ERO1B: variants seen among roughly 807,000 people sequenced by gnomAD.
ERO1B encodes the protein endoplasmic reticulum oxidoreductase 1 beta.
Under a neutral mutation model 75.3 loss-of-function variants are expected in ERO1B, and 49 were observed. The ratio of observed to expected loss-of-function variants is 0.65; its 90% CI spans 0.52 to 0.83. ERO1B has a LOEUF of 0.83. Ranked by LOEUF, ERO1B falls within the 40% of genes least tolerant of loss-of-function variation. ERO1B has a pLI of 0.00. For missense variants in ERO1B, 512 were observed against 560.1 expected (o/e 0.91, Z 0.87); for synonymous variants, 191 against 192.9 (o/e 0.99, Z 0.08).
chr1:236,268,693 T>G (rs879849983), intron 2 of ERO1B, among the ~76,000 whole-genome samples: 7 of 151,458 alleles, frequency 4.6e-5, no homozygotes, highest in Non-Finnish European at 1.0e-4. Flanking sequence ...AAGACCATCC[T>G]GGCTAACATG....
intron 1 of ERO1B, among the ~76,000 whole-genome samples, chr1:236,274,760 A>T (rs919253486): frequency 6.6e-6 from 1 of 151,990 alleles, no homozygotes; most frequent in Non-Finnish European, 1.5e-5. Flanking sequence ...AAAAAGACAG[A>T]CAAAAATCTC....
intron 2 of ERO1B, among the ~76,000 whole-genome samples, chr1:236,255,380 T>C (rs1360896310): frequency 6.6e-6 from 1 of 152,160 alleles, no homozygotes; most frequent in Non-Finnish European, 1.5e-5. Flanking sequence ...GCTAAAGTAG[T>C]GCTCAGTATG....
At position 236,217,800 on chromosome 1, in the gene ERO1B, A is replaced by C. The variant is rs1664032603; in HGVS notation, c.*716T>G. 1 of 152,204 alleles carries C rather than the reference A, an allele frequency of 6.6e-6. No homozygotes were observed. Among genetic ancestry groups the C allele is most frequent in the African/African-American group, 2.4e-5 (1 of 41,464 alleles). The allele number at this position is 152,204 out of a possible 1,614,324, so 9.4% of individuals were successfully genotyped here. Reference sequence around the variant, plus strand: ...ACACTCTTGGGCCAGCCCATTACACACACAAAATCTGGCTGGGTAGCATAG... The same window carrying C: ...ACACTCTTGGGCCAGCCCATTACACCCACAAAATCTGGCTGGGTAGCATAG... On this transcript the variant is annotated 3_prime_UTR_variant, in exon 16 of 16. Transcript: ENST00000354619.
chr1:236,218,961 T>A (rs900956592), intron 15 of ERO1B, among the ~76,000 whole-genome samples: 15 of 115,376 alleles, frequency 1.3e-4, no homozygotes, highest in African/African-American at 4.2e-4. Context: ...GGGTAAAGAC[T>A]CTATTTCATC....
At chr1:236,228,023 CATCAG>C (rs1411554305) in intron 10 of ERO1B, among the ~76,000 whole-genome samples, 1 of 152,160 alleles carries the variant, frequency 6.6e-6, no homozygotes, top group African/African-American at 2.4e-5. Flanking sequence ...TAAAACTTTT[CATCAG>C]ATCTATTATC....
At chr1:236,239,037 C>T (rs934696407) in intron 6 of ERO1B, among the ~76,000 whole-genome samples, 1 of 152,178 alleles carries the variant, frequency 6.6e-6, no homozygotes, top group African/African-American at 2.4e-5. Flanking sequence ...CCTCCTGCCT[C>T]AGCCTCCCAA....
chr1:236,269,734 T>C (rs1665547668), intron 2 of ERO1B, 141 bp downstream of exon 2: 7 of 609,270 alleles, frequency 1.1e-5, no homozygotes, highest in Non-Finnish European at 2.0e-5. Context: ...GATCAATAGG[T>C]TTCCACTGCA....
chr1:236,246,548 A>G (rs1183588860), intron 5 of ERO1B, among the ~76,000 whole-genome samples: 1 of 152,222 alleles, frequency 6.6e-6, no homozygotes, highest in Non-Finnish European at 1.5e-5. Flanking sequence ...GCACATTCTT[A>G]CTATAGAATA....
intron 14 of ERO1B, chr1:236,221,655 C>T: frequency 6.1e-6 from 2 of 325,552 alleles, no homozygotes; most frequent in Admixed American, 4.9e-5. Flanking sequence ...TCGTAATGAC[C>T]ACCAACTTCA....
rs566439252 is a variant in ERO1B, at chr1:236,218,994, G to A, written c.1344-418C>T. ...ATCTCCTGCTGAGTCTCTCTCCTGT[G>A]CCCCATACCCATTGATGCTTATAGT... On this transcript the variant is annotated intron_variant, in intron 15 of 15. Transcript: ENST00000354619. 1.5e-4 allele frequency among the ~76,000 whole-genome samples: 23 copies of A among 151,954 alleles called. No individual in the cohort carries two copies. The South Asian group carries it at 4.8e-3, about 32-fold the overall frequency.
chr1:236,239,835 G>A (rs1308135068), intron 6 of ERO1B, among the ~76,000 whole-genome samples: 1 of 42,354 alleles, frequency 2.4e-5, no homozygotes, highest in African/African-American at 4.8e-5. Flanking sequence ...GTATATATAT[G>A]TGTATATATA....
chr1:236,275,400 T>G (rs552938942), intron 1 of ERO1B, among the ~76,000 whole-genome samples: 1 of 152,324 alleles, frequency 6.6e-6, no homozygotes, highest in Non-Finnish European at 1.5e-5. Context: ...CAGTTATCAA[T>G]TATAAAGGAT....
intron 1 of ERO1B, among the ~76,000 whole-genome samples, chr1:236,280,843 G>A (rs925937292): frequency 4.6e-5 from 7 of 152,154 alleles, no homozygotes; most frequent in Non-Finnish European, 7.4e-5. Flanking sequence ...AGCAGGTGCA[G>A]ACAACAAGCA....
chr1:236,242,481 T>C (rs775618652), intron 6 of ERO1B, among the ~76,000 whole-genome samples: 8 of 152,146 alleles, frequency 5.3e-5, no homozygotes, highest in Admixed American at 1.3e-4. Flanking sequence ...ACTGAAACCA[T>C]ATAAGCCAAG....
intron 9 of ERO1B, among the ~76,000 whole-genome samples, chr1:236,230,670 C>T (rs1006047088): frequency 6.8e-6 from 1 of 146,936 alleles, no homozygotes; most frequent in Non-Finnish European, 1.5e-5. Flanking sequence ...TCTAAAATGT[C>T]TACTGCTTCA....
chr1:236,279,843 C>CAA (rs60949594), intron 1 of ERO1B, among the ~76,000 whole-genome samples: 33,668 of 134,914 alleles, frequency 0.25, 5,017 homozygotes, highest in Non-Finnish European at 0.35. Context: ...GACACTATCT[C>CAA]AAAAAAAAAA....
intron 2 of ERO1B, among the ~76,000 whole-genome samples, chr1:236,260,290 G>A (rs1049575263): frequency 2.0e-5 from 3 of 152,162 alleles, no homozygotes; most frequent in Non-Finnish European, 4.4e-5. Context: ...ACAAAAGCTG[G>A]AGTAAGGAAG....
intron 10 of ERO1B, among the ~76,000 whole-genome samples, chr1:236,228,261 A>G (rs1306198180): frequency 6.6e-6 from 1 of 152,208 alleles, no homozygotes; most frequent in African/African-American, 2.4e-5. Context: ...GAGGTAGGGG[A>G]TAAGTGAGGG....
rs1664285303 is a variant in ERO1B, at chr1:236,226,575, A to G, written c.806-60T>C. On this transcript the variant is annotated intron_variant, in intron 11 of 15. Transcript: ENST00000354619. ...GTAAACAGGATTTTTTTTCTGCTCT[A>G]AAGAATATGTATTCTCTCCAATAAT... 2.5e-6 allele frequency: 4 copies of G among 1,595,244 alleles called. No individual in the cohort carries two copies. The South Asian group carries it at 4.6e-5, about 18-fold the overall frequency.
Sources: gnomAD v4.1 joint callset for allele counts (sites outside exome capture counted in the v4.1 genomes callset) on GRCh38, gnomAD v4.1.1 for gene constraint, MANE v1.5 for transcripts, NCBI Gene and HGNC (gene_info 2026-07-23, HGNC 2026-07-21) for gene names.